The following NXPH1 variants were observed in gnomAD, a reference collection of about 807,000 sequenced individuals.
NXPH1 encodes the protein neurexophilin 1, also known as neurexophilin-1.
In NXPH1, 5 loss-of-function variants were observed where a neutral mutation model predicts 23.7. The ratio of observed to expected loss-of-function variants is 0.21; its 90% CI spans 0.11 to 0.44. The LOEUF (loss-of-function observed/expected upper bound fraction) is 0.44. Ranked by LOEUF, NXPH1 falls within the 20% of genes least tolerant of loss-of-function variation. The pLI is 0.99. For missense variants in NXPH1, 324 were observed against 321.6 expected, an observed-to-expected ratio of 1.01 and a Z score of -0.06; for synonymous variants, 144 against 122.2, an observed-to-expected ratio of 1.18 and a Z score of -1.18.
At chr7:8,621,584 T>A (rs764184405) in intron 2 of NXPH1, among the ~76,000 whole-genome samples, 20 of 150,922 alleles carry the variant, frequency 1.3e-4, no homozygotes, top group Non-Finnish European at 2.5e-4. Context: ...ACCTCCTGGG[T>A]TCAAGCGATT....
chr7:8,550,302 G>A (rs889671758), intron 2 of NXPH1, among the ~76,000 whole-genome samples: 1 of 151,560 alleles, frequency 6.6e-6, no homozygotes, highest in African/African-American at 2.4e-5. Context: ...GGGGCAAAAG[G>A]GGGGTGTTGC....
chr7:8,537,200 A>G lies in NXPH1; in HGVS notation c.54+101433A>G, dbSNP rs140369132. Among the ~76,000 whole-genome samples the G allele has an allele frequency of 2.7e-3, 409 of 151,912 alleles. 1 individual carries two copies. The highest frequency in any genetic ancestry group is 9.2e-3 in the African/African-American group (382 of 41,478). ...GATGGATGATGACAGGGACTTCTACACTGCTTACTCTTTATTTCTCTGTAT... is the reference window on the plus strand; with the variant it reads ...GATGGATGATGACAGGGACTTCTACGCTGCTTACTCTTTATTTCTCTGTAT... On this transcript the variant is annotated intron_variant, in intron 2 of 2. Transcript: ENST00000405863.
At chr7:8,457,052 G>A (rs144310813) in intron 2 of NXPH1, among the ~76,000 whole-genome samples, 137 of 152,242 alleles carry the variant, frequency 9.0e-4, no homozygotes, top group African/African-American at 3.1e-3. Context: ...GAATATTTAT[G>A]CTTGATACGA....
chr7:8,589,102 T>A (rs1021769408), intron 2 of NXPH1, among the ~76,000 whole-genome samples: 2 of 152,156 alleles, frequency 1.3e-5, no homozygotes, highest in Non-Finnish European at 2.9e-5. Context: ...CACACCTGGA[T>A]AACTGACTTT....
At chr7:8,675,194 C>T (rs9655525) in intron 2 of NXPH1, among the ~76,000 whole-genome samples, 121,669 of 151,714 alleles carry the variant, frequency 0.8, 49,484 homozygotes, top group East Asian at 1. Flanking sequence ...ATTTACCTTC[C>T]TAGGCTTTAG....
intron 2 of NXPH1, among the ~76,000 whole-genome samples, chr7:8,684,748 C>T (rs1227073705): frequency 6.6e-6 from 1 of 152,026 alleles, no homozygotes; most frequent in African/African-American, 2.4e-5. Context: ...GTCCAATGTC[C>T]CCTGTGCTAT....
intron 2 of NXPH1, among the ~76,000 whole-genome samples, chr7:8,655,065 A>C (rs2115155840): frequency 6.6e-6 from 1 of 152,244 alleles, no homozygotes; most frequent in Non-Finnish European, 1.5e-5. Context: ...TTTTTCCTAG[A>C]AATTGACCAA....
At chr7:8,522,654 C>T (rs1176768433) in intron 2 of NXPH1, among the ~76,000 whole-genome samples, 2 of 152,098 alleles carry the variant, frequency 1.3e-5, no homozygotes, top group Non-Finnish European at 2.9e-5. Flanking sequence ...AGATTAATTT[C>T]CTCCTGCATT....
intron 2 of NXPH1, among the ~76,000 whole-genome samples, chr7:8,585,225 A>T (rs575552412): frequency 6.6e-6 from 1 of 152,336 alleles, no homozygotes; most frequent in East Asian, 1.9e-4. Flanking sequence ...AAATATAAAG[A>T]GATGCCTCTT....
intron 2 of NXPH1, among the ~76,000 whole-genome samples, chr7:8,639,974 T>C (rs988555994): frequency 2.0e-5 from 3 of 152,240 alleles, no homozygotes; most frequent in Non-Finnish European, 4.4e-5. Flanking sequence ...ACCTAGCTTC[T>C]GTTAATTGGT....
intron 2 of NXPH1, among the ~76,000 whole-genome samples, chr7:8,463,257 G>A (rs56018264): frequency 0.38 from 57,114 of 151,182 alleles, 11,270 homozygotes; most frequent in East Asian, 0.63. Flanking sequence ...TTCACTTACC[G>A]TCTTGGAGGT....
chr7:8,708,814 G>T (rs1779742794), intron 2 of NXPH1, among the ~76,000 whole-genome samples: 1 of 152,096 alleles, frequency 6.6e-6, no homozygotes, highest in Non-Finnish European at 1.5e-5. Flanking sequence ...GAACATCCTT[G>T]ATATTCTCTA....
chr7:8,702,326 T>A (rs1209178389), intron 2 of NXPH1, among the ~76,000 whole-genome samples: 1 of 152,120 alleles, frequency 6.6e-6, no homozygotes, highest in African/African-American at 2.4e-5. Flanking sequence ...ATATGTACAA[T>A]GATTGTGTAA....
intron 2 of NXPH1, among the ~76,000 whole-genome samples, chr7:8,606,072 A>G (rs931840267): frequency 6.6e-6 from 1 of 152,096 alleles, no homozygotes; most frequent in African/African-American, 2.4e-5. Flanking sequence ...TGTGCAAGGG[A>G]TTGGGTAGCA....
chr7:8,530,429 T>C (rs980338369), intron 2 of NXPH1, among the ~76,000 whole-genome samples: 1 of 152,224 alleles, frequency 6.6e-6, no homozygotes, highest in Non-Finnish European at 1.5e-5. Context: ...CATTTGTGAA[T>C]GAAGGAGGTT....
intron 2 of NXPH1, among the ~76,000 whole-genome samples, chr7:8,658,143 T>G (rs1820611218): frequency 6.6e-6 from 1 of 152,244 alleles, no homozygotes; most frequent in Non-Finnish European, 1.5e-5. Flanking sequence ...CAGACCAGTA[T>G]TTAGTGACTT....
rs1285240065 is a variant in NXPH1 at position 8,659,345 on chromosome 7, G to A, written c.55-91663G>A. Among the ~76,000 whole-genome samples the A allele has an allele frequency of 2.6e-5, 4 of 152,130 alleles. 1 individual carries two copies. Among genetic ancestry groups the A allele is most frequent in the East Asian group, 1.9e-4 (1 of 5,200 alleles). On this transcript the variant is annotated intron_variant, in intron 2 of 2. Transcript: ENST00000405863. ...CCCTCTATTAAGGGTATCAGAAGAC[G>A]TTTTCTTTAATCAAGGCTTTTAGCT... is the stretch of plus-strand genomic sequence containing the variant.
chr7:8,673,329 T>C (rs1166984477), intron 2 of NXPH1, among the ~76,000 whole-genome samples: 1 of 152,174 alleles, frequency 6.6e-6, no homozygotes, highest in African/African-American at 2.4e-5. Flanking sequence ...CTGAATACTT[T>C]ATGAGAAAAG....
chr7:8,725,988 C>T (rs536995734), intron 2 of NXPH1, among the ~76,000 whole-genome samples: 16 of 152,276 alleles, frequency 1.1e-4, no homozygotes, highest in African/African-American at 3.4e-4. Flanking sequence ...ATTTATATAA[C>T]GCTTCCTTCT....
Sources: allele counts gnomAD v4.1 joint callset (sites outside exome capture counted in the v4.1 genomes callset), GRCh38; gene constraint gnomAD v4.1.1; transcripts MANE v1.5; gene names NCBI Gene and HGNC (gene_info 2026-07-23, HGNC 2026-07-21).